Variants in ACYP2 observed in about 807,000 individuals in gnomAD.
ACYP2 encodes the protein acylphosphatase-2.
Under a neutral mutation model 11.2 loss-of-function variants are expected in ACYP2, and 12 were observed. That is an observed-to-expected ratio of 1.08 (90% CI 0.69 to 1.74). ACYP2 has a LOEUF of 1.74. Ranked by LOEUF, ACYP2 falls within the 40% of genes most tolerant of loss-of-function variation. The pLI is 0.00. For synonymous variants in ACYP2, 43 were observed against 32.2 expected (o/e 1.33, Z -1.13); for missense variants, 134 against 101.9 (o/e 1.31, Z -1.35).
At chr2:54,110,510 T>G (rs1679403701) in intron 4 of ACYP2, among the ~76,000 whole-genome samples, 1 of 152,192 alleles carries the variant, frequency 6.6e-6, no homozygotes, top group Non-Finnish European at 1.5e-5. Context: ...TGAATTCTGT[T>G]GATTTGAAAA....
chr2:54,105,843 CA>C (rs1445464432), intron 4 of ACYP2, among the ~76,000 whole-genome samples: 1 of 152,030 alleles, frequency 6.6e-6, no homozygotes, highest in Non-Finnish European at 1.5e-5. Context: ...ACACATGGCA[CA>C]TACTGGGTAT....
At chr2:54,278,244 C>T (rs1295681539) in intron 6 of ACYP2, among the ~76,000 whole-genome samples, 4 of 152,242 alleles carry the variant, frequency 2.6e-5, no homozygotes, top group Non-Finnish European at 5.9e-5. Flanking sequence ...TCCCAAATTG[C>T]TGGGATTACA....
chr2:54,220,456 A>T (rs1558622791), intron 6 of ACYP2, among the ~76,000 whole-genome samples: 1 of 152,194 alleles, frequency 6.6e-6, no homozygotes, highest in Non-Finnish European at 1.5e-5. Context: ...TTTTAAATCA[A>T]TCTTAATATA....
At chr2:54,108,393 G>T (rs12463801) in intron 4 of ACYP2, among the ~76,000 whole-genome samples, 5,076 of 152,276 alleles carry the variant, frequency 0.033, 182 homozygotes, top group Admixed American at 0.12. Flanking sequence ...TTAAAGACAC[G>T]AAGGCCCTTG....
chr2:54,170,841 G>A (rs1683193374), intron 6 of ACYP2, among the ~76,000 whole-genome samples: 1 of 152,128 alleles, frequency 6.6e-6, no homozygotes, highest in Non-Finnish European at 1.5e-5. Context: ...GTCAAAGGTG[G>A]GAGGAGGGTC....
intron 4 of ACYP2, chr2:54,123,333 T>C: frequency 2.5e-6 from 1 of 398,600 alleles, no homozygotes; most frequent in Non-Finnish European, 4.4e-6. Context: ...TGTTTTGGTA[T>C]GGAGTGATAG....
intron 2 of ACYP2, among the ~76,000 whole-genome samples, chr2:54,007,138 C>CAAAAAAAAAAAAAAAAAAA (rs70944145): frequency 1.9e-5 from 1 of 52,206 alleles, no homozygotes; most frequent in Non-Finnish European, 3.5e-5. Flanking sequence ...GACTCTGTGT[C>CAAAAAAAAAAAAAAAAAAA]AAAAAAAAAA....
intron 2 of ACYP2, among the ~76,000 whole-genome samples, chr2:54,011,221 A>G (rs916888995): frequency 2.0e-5 from 3 of 152,238 alleles, no homozygotes; most frequent in Admixed American, 6.5e-5. Context: ...TTTTATTCCC[A>G]GAATAAAAAT....
At chr2:54,135,751 A>G (rs924945978) in intron 5 of ACYP2, among the ~76,000 whole-genome samples, 1 of 152,208 alleles carries the variant, frequency 6.6e-6, no homozygotes, top group African/African-American at 2.4e-5. Flanking sequence ...TATTGAATAC[A>G]AAGTATGGGA....
At chr2:54,141,952 G>A (rs1250961673) in intron 6 of ACYP2, 16 of 578,290 alleles carry the variant, frequency 2.8e-5, no homozygotes, top group Non-Finnish European at 4.1e-5. Flanking sequence ...ATCTTCCCAC[G>A]TCAACCTCCT....
chr2:53,983,505 C>CA (rs1317433783), intron 2 of ACYP2, among the ~76,000 whole-genome samples: 2 of 151,696 alleles, frequency 1.3e-5, no homozygotes, highest in East Asian at 3.9e-4. Flanking sequence ...GACCCTGTCT[C>CA]AAAAAAGAAA....
At chr2:54,210,372 T>C (rs1160490343) in intron 6 of ACYP2, among the ~76,000 whole-genome samples, 2 of 152,108 alleles carry the variant, frequency 1.3e-5, no homozygotes, top group Non-Finnish European at 2.9e-5. Flanking sequence ...TTACTTAATA[T>C]ATACAAACAT....
chr2:54,166,557 T>G (rs1558582322), intron 6 of ACYP2, among the ~76,000 whole-genome samples: 1 of 152,184 alleles, frequency 6.6e-6, no homozygotes, highest in Non-Finnish European at 1.5e-5. Flanking sequence ...TTTAAAAAAA[T>G]TGCTCATTAT....
intron 2 of ACYP2, among the ~76,000 whole-genome samples, chr2:54,015,645 T>TCTCACACACACACA (rs1322863615): frequency 1.5e-5 from 2 of 130,484 alleles, no homozygotes; most frequent in South Asian, 2.3e-4. Context: ...TGAGACCCCG[T>TCTCACACACACACA]CACACACACA....
chr2:54,007,983 C>T (rs933274669), intron 2 of ACYP2, among the ~76,000 whole-genome samples: 1 of 152,214 alleles, frequency 6.6e-6, no homozygotes, highest in Non-Finnish European at 1.5e-5. Flanking sequence ...AAAGTTAGCT[C>T]GGCCTATGCC....
intron 6 of ACYP2, among the ~76,000 whole-genome samples, chr2:54,251,155 C>T (rs1346522162): frequency 6.6e-6 from 1 of 152,172 alleles, no homozygotes; most frequent in Non-Finnish European, 1.5e-5. Context: ...ATGAGTGGAG[C>T]ACTGTAAATA....
intron 4 of ACYP2, among the ~76,000 whole-genome samples, chr2:54,102,670 A>C (rs1324190000): frequency 7.2e-6 from 1 of 138,868 alleles, no homozygotes; most frequent in Admixed American, 7.2e-5. Flanking sequence ...AAAAAAAAAA[A>C]AAAAGAATAT....
chr2:53,976,300 T>A (rs1671484735), intron 2 of ACYP2, among the ~76,000 whole-genome samples: 1 of 152,186 alleles, frequency 6.6e-6, no homozygotes, highest in African/African-American at 2.4e-5. Context: ...CTCCACCTCC[T>A]GGGCTCAAGT....
chr2:54,226,000 C>G (rs1012360816), intron 6 of ACYP2, among the ~76,000 whole-genome samples: 2 of 152,128 alleles, frequency 1.3e-5, no homozygotes, highest in Non-Finnish European at 2.9e-5. Flanking sequence ...ATGTTTTACT[C>G]TAGTAGATTT....
Sources: gnomAD v4.1 joint callset for allele counts (sites outside exome capture counted in the v4.1 genomes callset) on GRCh38, gnomAD v4.1.1 for gene constraint, MANE v1.5 for transcripts, NCBI Gene and HGNC (gene_info 2026-07-23, HGNC 2026-07-21) for gene names.